Variants in NFE2L1 observed in about 807,000 individuals in gnomAD.
The protein encoded by NFE2L1 is endoplasmic reticulum membrane sensor NFE2L1.
Under a neutral mutation model 61.6 loss-of-function variants are expected in NFE2L1, and 18 were observed. The observed-to-expected ratio is 0.29, with a 90% CI of 0.20 to 0.43. NFE2L1 has a LOEUF of 0.43. Among genes scored for constraint, NFE2L1 ranks in the 20% least tolerant of loss-of-function variants. NFE2L1 has a pLI of 1.00. For missense variants in NFE2L1, 827 were observed against 973.5 expected (o/e 0.85, Z 2.00); for synonymous variants, 419 against 402.7 (o/e 1.04, Z -0.48).
At chr17:48,054,291 G>T (rs1429926584) in intron 2 of NFE2L1, 1 of 156,092 alleles carries the variant, frequency 6.4e-6, no homozygotes, top group African/African-American at 2.4e-5. Flanking sequence ...GACTGACTGG[G>T]CTGGGTGGGG....
At chr17:48,055,574 GT>G (rs1347201570) in intron 2 of NFE2L1, among the ~76,000 whole-genome samples, 7 of 135,880 alleles carry the variant, frequency 5.2e-5, no homozygotes, top group African/African-American at 2.2e-4. Context: ...GAGTCCTGGG[GT>G]ATGGTGAGGG....
intron 2 of NFE2L1, 65 bp from the exon 3 acceptor site, chr17:48,056,321 T>G: frequency 6.3e-7 from 1 of 1,595,512 alleles, no homozygotes. Context: ...GAGGGAACTC[T>G]GAGGGGCAGG....
At position 48,051,491 on chromosome 17, in the gene NFE2L1, G is replaced by A. The variant is rs766886677; in HGVS notation, c.373G>A (p.Glu125Lys). The A allele has an allele frequency of 1.2e-6, 2 of 1,614,040 alleles. No homozygotes were observed. The highest frequency in any genetic ancestry group is 1.7e-6 in the Non-Finnish European group (2 of 1,180,038). ...TCAGCCCAACTCAGGCCTCGCCCTCGAGAGTTCCAGTGGCCTCCAAGATGT... is the reference window on the plus strand; with the variant it reads ...TCAGCCCAACTCAGGCCTCGCCCTCAAGAGTTCCAGTGGCCTCCAAGATGT... ...GSQPNSGLAL[E>K]SSSGLQDVTG... is the part of the protein sequence containing the mutation. Residue 125 changes from glutamate (E) to lysine (K), a missense_variant, in exon 2 of 6, where the codon GAG becomes AAG. Glu to Lys is a moderately conservative substitution (Grantham distance 56, BLOSUM62 1). Transcript: ENST00000362042.
Position 48,059,666 on chromosome 17 carries a change from G to T in NFE2L1, c.*25G>T. ...AGCCTGGGGAAGAAGGGGGTTTGAA[G>T]CCCACCAAGACCGAAACTGGAGAAG... On this transcript the variant is annotated 3_prime_UTR_variant, in exon 6 of 6. Coordinates refer to ENST00000362042, the MANE Select transcript of NFE2L1 (RefSeq NM_003204.3). This position sits in a 1 kb window ranked among gnomAD's most constrained non-coding sequence, Gnocchi z 6.1. 6.5e-7 allele frequency: 1 copy of T among 1,527,720 alleles called. No individual in the cohort carries two copies. The allele number at this position is 1,527,720 out of a possible 1,614,324, so 94.6% of individuals were successfully genotyped here.
intron 2 of NFE2L1, chr17:48,055,043 C>G (rs1317352351): frequency 1.3e-6 from 2 of 1,516,510 alleles, no homozygotes; most frequent in East Asian, 2.6e-5. Context: ...CCGCAGCTCT[C>G]ACAGTGGTGG....
At chr17:48,057,233 G>A in intron 4 of NFE2L1, 111 bp from the exon 5 acceptor site, 2 of 1,588,346 alleles carry the variant, frequency 1.3e-6, no homozygotes, top group Non-Finnish European at 8.6e-7. Flanking sequence ...CTGGCTGCTG[G>A]GGGTAAATGC....
Position 48,051,072 on chromosome 17 carries a change from G to C in NFE2L1, c.-47G>C. ...GAGCAGTGGCCTTGATTTGTCTTTT[G>C]GAAGATTTTAAAAACCAAAAAGCAT... On this transcript the variant is annotated 5_prime_UTR_variant, in exon 2 of 6. Coordinates refer to ENST00000362042, the MANE Select transcript of NFE2L1 (RefSeq NM_003204.3). 1 of 1,612,348 alleles carries C rather than the reference G, an allele frequency of 6.2e-7. No homozygotes were observed. The highest frequency in any genetic ancestry group is 8.5e-7 in the Non-Finnish European group (1 of 1,179,176).
chr17:48,048,810 C>T (rs1390523952), intron 1 of NFE2L1: 3 of 152,728 alleles, frequency 2.0e-5, no homozygotes, highest in African/African-American at 7.2e-5. Flanking sequence ...CCCCTGGAGG[C>T]TAGAAGCTCC....
At chr17:48,055,575 T>A (rs34750858) in intron 2 of NFE2L1, among the ~76,000 whole-genome samples, 41,105 of 150,606 alleles carry the variant, frequency 0.27, 6,269 homozygotes, top group African/African-American at 0.43. Context: ...AGTCCTGGGG[T>A]ATGGTGAGGG....
At chr17:48,056,268 A>T in intron 2 of NFE2L1, 118 bp from the exon 3 acceptor site, 1 of 1,028,704 alleles carries the variant, frequency 9.7e-7, no homozygotes, top group Non-Finnish European at 1.5e-6. Flanking sequence ...GCAGGTGAAG[A>T]GCTGGGAGGG....
intron 3 of NFE2L1, 68 bp downstream of exon 3, chr17:48,056,666 T>C (rs2037409316): frequency 6.4e-7 from 1 of 1,562,224 alleles, no homozygotes; most frequent in Non-Finnish European, 8.7e-7. Flanking sequence ...CAGGCTGGAG[T>C]TCTTCCAGAA....
Position 48,059,744 on chromosome 17 carries a change from T to C in NFE2L1, c.*103T>C, listed in dbSNP as rs2037502189. ...TACAGCGGGGACTTAAATGCCTTCT[T>C]ATCCAATATATCTTCTCAGATGGGA... On this transcript the variant is annotated 3_prime_UTR_variant, in exon 6 of 6. Coordinates refer to ENST00000362042, the MANE Select transcript of NFE2L1 (RefSeq NM_003204.3). The surrounding 1 kb of genome is among the most constrained non-coding windows in gnomAD (Gnocchi z 6.1). The C allele has an allele frequency of 2.8e-6, 4 of 1,424,700 alleles. No individual in the cohort carries two copies. The highest frequency in any genetic ancestry group is 3.7e-6 in the Non-Finnish European group (4 of 1,083,122). The allele number at this position is 1,424,700 out of a possible 1,614,324, so 88.3% of individuals were successfully genotyped here. A position where few individuals can be genotyped will look rare whatever the true frequency, so the allele number is the denominator to read the frequency against.
chr17:48,054,457 C>G (rs2037336542), intron 2 of NFE2L1: 2 of 488,510 alleles, frequency 4.1e-6, no homozygotes, highest in East Asian at 8.9e-5. Flanking sequence ...CCTTCCGCAT[C>G]TCCAGCGGAG....
chr17:48,056,625 CTCT>C, intron 3 of NFE2L1, 27 bp downstream of exon 3: 1 of 1,607,836 alleles, frequency 6.2e-7, no homozygotes, highest in South Asian at 1.1e-5. Flanking sequence ...TCACTGGGCT[CTCT>C]TCTTGTCCCT....
At chr17:48,049,833 C>T (rs183615065) in intron 1 of NFE2L1, among the ~76,000 whole-genome samples, 112 of 152,298 alleles carry the variant, frequency 7.4e-4, no homozygotes, top group Non-Finnish European at 1.1e-3. Flanking sequence ...AATAATCTTG[C>T]CTTTTTGAAC....
chr17:48,057,184 T>A, intron 4 of NFE2L1, 63 bp downstream of exon 4: 2 of 1,597,712 alleles, frequency 1.3e-6, no homozygotes, highest in South Asian at 2.2e-5. Flanking sequence ...GGTGTGTCCC[T>A]CCATGGCTGA....
chr17:48,052,534 TTTACAGATG>T (rs1209537407), intron 2 of NFE2L1, among the ~76,000 whole-genome samples: 2 of 152,146 alleles, frequency 1.3e-5, no homozygotes, highest in East Asian at 3.8e-4. Flanking sequence ...TGTAAAAAGT[TTTACAGATG>T]TTACAGAAAT....
At chr17:48,051,728 A>G in intron 2 of NFE2L1, 100 bp downstream of exon 2, 2 of 1,402,474 alleles carry the variant, frequency 1.4e-6, no homozygotes, top group South Asian at 1.4e-5. Flanking sequence ...AGAGCCAGAC[A>G]GGTTTCAGCA....
At chr17:48,056,174 C>T (rs1053755205) in intron 2 of NFE2L1, 6 of 638,368 alleles carry the variant, frequency 9.4e-6, no homozygotes, top group Admixed American at 5.2e-5. Context: ...TTGCTAGTGG[C>T]TCTTTTTTTT....
Sources: allele counts gnomAD v4.1 joint callset (sites outside exome capture counted in the v4.1 genomes callset), GRCh38; gene constraint gnomAD v4.1.1; non-coding constraint Gnocchi (gnomAD v3.1); transcripts MANE v1.5; gene names NCBI Gene and HGNC (gene_info 2026-07-23, HGNC 2026-07-21).